DNM3: variants seen among roughly 807,000 people sequenced by gnomAD.
The protein encoded by DNM3 is dynamin 3, also known as dynamin-3.
A neutral mutation model predicts 101.6 loss-of-function variants in DNM3; 47 were observed. The observed-to-expected ratio is 0.46, with a 90% CI of 0.37 to 0.59. DNM3 has a LOEUF of 0.59. DNM3 is among the 20% of genes least tolerant of loss of function. The pLI, the probability that DNM3 is intolerant of heterozygous loss-of-function variation, is 0.00. For missense variants in DNM3, 849 were observed against 1,085.7 expected, an observed-to-expected ratio of 0.78 and a Z score of 3.06; for synonymous variants, 385 against 387.9, an observed-to-expected ratio of 0.99 and a Z score of 0.09.
chr1:171,915,280 A>G (rs2039623510), intron 1 of DNM3, among the ~76,000 whole-genome samples: 1 of 152,220 alleles, frequency 6.6e-6, no homozygotes, highest in Non-Finnish European at 1.5e-5. Flanking sequence ...GGAGTCATTC[A>G]GTGATTTAAA....
chr1:172,043,154 C>T (rs891616361), intron 8 of DNM3, among the ~76,000 whole-genome samples: 1 of 152,042 alleles, frequency 6.6e-6, no homozygotes, highest in African/African-American at 2.4e-5. Flanking sequence ...AGATGGGTGG[C>T]TTTGGGGTTT....
In DNM3 at chr1:172,321,324, T is replaced by C. The variant is rs139404750; in HGVS notation, c.1882-2005T>C. On this transcript the variant is annotated intron_variant, in intron 16 of 20. Transcript: ENST00000627582. The stretch of plus-strand genomic sequence containing the variant: ...TCTAATAATACAAGACTTAAAATGC[T>C]TGGTACTTAGCCCCCAACACATAAC... Among the ~76,000 whole-genome samples the C allele has an allele frequency of 4.0e-3, 605 of 152,306 alleles. 10 individuals are homozygous for C. The highest frequency in any genetic ancestry group is 0.014 in the African/African-American group (570 of 41,570).
intron 1 of DNM3, among the ~76,000 whole-genome samples, chr1:171,896,357 T>A (rs1008490304): frequency 6.6e-6 from 1 of 152,148 alleles, no homozygotes; most frequent in Non-Finnish European, 1.5e-5. Flanking sequence ...TCCTTCACAT[T>A]CCTTGTAAGT....
intron 1 of DNM3, among the ~76,000 whole-genome samples, chr1:171,850,873 C>T (rs1397775755): frequency 6.6e-6 from 1 of 151,348 alleles, no homozygotes; most frequent in African/African-American, 2.4e-5. Flanking sequence ...GGAAGCAATG[C>T]TTTTGTGAGT....
At chr1:172,225,752 A>C (rs2061093794) in intron 14 of DNM3, among the ~76,000 whole-genome samples, 1 of 152,064 alleles carries the variant, frequency 6.6e-6, no homozygotes, top group Admixed American at 6.5e-5. Context: ...ACCCTGTCCC[A>C]AAAAATAAAT....
chr1:171,986,937 C>T (rs1410188713), intron 2 of DNM3, among the ~76,000 whole-genome samples: 2 of 152,000 alleles, frequency 1.3e-5, no homozygotes, highest in Non-Finnish European at 2.9e-5. Context: ...AAAGTAGGTA[C>T]AGAAATTGAT....
At chr1:172,108,063 C>T (rs941460236) in intron 13 of DNM3, among the ~76,000 whole-genome samples, 1 of 151,854 alleles carries the variant, frequency 6.6e-6, no homozygotes, top group African/African-American at 2.4e-5. Context: ...TCTTAAGTCT[C>T]GGTGTCAAGG....
At chr1:172,210,022 C>A (rs553665881) in intron 14 of DNM3, among the ~76,000 whole-genome samples, 1 of 152,014 alleles carries the variant, frequency 6.6e-6, no homozygotes, top group Non-Finnish European at 1.5e-5. Context: ...GTGCCAAACA[C>A]CATTCTAACC....
chr1:171,917,419 C>T (rs74126534), intron 1 of DNM3, among the ~76,000 whole-genome samples: 5,228 of 152,196 alleles, frequency 0.034, 295 homozygotes, highest in African/African-American at 0.12. Flanking sequence ...GAAATGTCAT[C>T]AAGGTGGTTC....
intron 15 of DNM3, among the ~76,000 whole-genome samples, chr1:172,273,140 A>T (rs1051885430): frequency 6.6e-6 from 1 of 151,992 alleles, no homozygotes; most frequent in Non-Finnish European, 1.5e-5. Context: ...AGAAAGCTTT[A>T]TTTGTAGTTT....
chr1:171,968,084 T>C (rs960964262), intron 2 of DNM3, among the ~76,000 whole-genome samples: 1 of 152,196 alleles, frequency 6.6e-6, no homozygotes, highest in South Asian at 2.1e-4. Context: ...TCACTTTCCA[T>C]AAAATGGTTT....
chr1:172,150,297 T>A (rs572046539), intron 14 of DNM3, among the ~76,000 whole-genome samples: 2 of 152,296 alleles, frequency 1.3e-5, no homozygotes, highest in South Asian at 2.1e-4. Flanking sequence ...AATTGGTTCA[T>A]GTTGAAAGGT....
chr1:172,143,750 T>G lies in DNM3; in HGVS notation c.1659+12462T>G, dbSNP rs535686739. Among the ~76,000 whole-genome samples the G allele has an allele frequency of 9.1e-4, 139 of 152,262 alleles. 1 individual carries two copies. Among genetic ancestry groups the G allele is most frequent in the East Asian group, 3.3e-3 (17 of 5,180 alleles). On this transcript the variant is annotated intron_variant, in intron 14 of 20. Coordinates refer to ENST00000627582, the MANE Select transcript of DNM3 (RefSeq NM_015569.5). Reference sequence around the variant, plus strand: ...TGTAAAACAGATATTTACAGGGGTATCTAAAGATAGAGGTTTTTATTCCCT... The same window carrying G: ...TGTAAAACAGATATTTACAGGGGTAGCTAAAGATAGAGGTTTTTATTCCCT...
At chr1:172,188,781 AT>A (rs2059607569) in intron 14 of DNM3, among the ~76,000 whole-genome samples, 1 of 152,062 alleles carries the variant, frequency 6.6e-6, no homozygotes, top group African/African-American at 2.4e-5. Flanking sequence ...TGGCTGCATC[AT>A]TTTGCATTCC....
intron 13 of DNM3, among the ~76,000 whole-genome samples, chr1:172,128,716 A>G (rs904961760): frequency 2.6e-5 from 4 of 152,180 alleles, no homozygotes; most frequent in South Asian, 2.1e-4. Flanking sequence ...CTCAACCACC[A>G]TATGTGGTTA....
chr1:172,279,980 T>G (rs1332552044), intron 15 of DNM3, among the ~76,000 whole-genome samples: 1 of 152,172 alleles, frequency 6.6e-6, no homozygotes, highest in Non-Finnish European at 1.5e-5. Context: ...TTCAAATTTA[T>G]CATGGCCTAT....
At chr1:172,385,133 C>T (rs1043828789) in intron 18 of DNM3, among the ~76,000 whole-genome samples, 16 of 152,150 alleles carry the variant, frequency 1.1e-4, no homozygotes, top group Non-Finnish European at 2.1e-4. Context: ...AAGTTCAGTT[C>T]ATTATTCCCT....
chr1:172,416,630 A>C (rs2071433332), downstream of DNM3, among the ~76,000 whole-genome samples: 1 of 152,178 alleles, frequency 6.6e-6, no homozygotes, highest in African/African-American at 2.4e-5. Flanking sequence ...TCGCTTCAGC[A>C]CTGTGGACTT....
intron 20 of DNM3, 56 bp from the exon 21 acceptor site, chr1:172,407,716 A>G: frequency 6.4e-7 from 1 of 1,570,620 alleles, no homozygotes; most frequent in Admixed American, 1.7e-5. Flanking sequence ...TCCTTGGAAC[A>G]ATGTTCTGCT....
Sources: gnomAD v4.1 joint callset for allele counts (sites outside exome capture counted in the v4.1 genomes callset) on GRCh38, gnomAD v4.1.1 for gene constraint, MANE v1.5 for transcripts, NCBI Gene and HGNC (gene_info 2026-07-23, HGNC 2026-07-21) for gene names.